CKLF: variants seen among roughly 807,000 people sequenced by gnomAD.
The protein encoded by CKLF is chemokine like factor, also known as chemokine-like factor.
Under a neutral mutation model 12.9 loss-of-function variants are expected in CKLF, and 16 were observed. The ratio of observed to expected loss-of-function variants is 1.24; its 90% confidence interval spans 0.84 to 1.88. CKLF has a LOEUF of 1.88. Ranked by LOEUF, CKLF falls within the 40% of genes most tolerant of loss-of-function variation. CKLF has a pLI of 0.00. For synonymous variants in CKLF, 61 were observed against 69.0 expected (o/e 0.88, Z 0.57); for missense variants, 172 against 188.5 (o/e 0.91, Z 0.51).
At chr16:66,565,773 C>A in intron 3 of CKLF, 113 bp from the exon 4 acceptor site, 1 of 899,990 alleles carries the variant, frequency 1.1e-6, no homozygotes, top group Non-Finnish European at 1.8e-6. Context: ...GCACAGGGAG[C>A]AATCCGAGTA....
chr16:66,566,112 A>AAGAG (rs2012277460), downstream of CKLF: 1 of 1,610,880 alleles, frequency 6.2e-7, no homozygotes, highest in African/African-American at 1.3e-5. This position sits in a 1 kb window ranked among gnomAD's most constrained non-coding sequence, Gnocchi z 4.9. Flanking sequence ...GAGCTAGAGG[A>AAGAG]AGAGATTTCC....
At chr16:66,562,179 G>C (rs1177139244) in intron 2 of CKLF, among the ~76,000 whole-genome samples, 1 of 151,894 alleles carries the variant, frequency 6.6e-6, no homozygotes, top group Non-Finnish European at 1.5e-5. Context: ...CCGTCTCCTG[G>C]CTTCAAGCAA....
intron 1 of CKLF, among the ~76,000 whole-genome samples, chr16:66,555,507 G>A (rs910613780): frequency 1.3e-5 from 2 of 152,192 alleles, no homozygotes; most frequent in African/African-American, 4.8e-5. Context: ...GAAGTTTTTG[G>A]TCTAAGCAAC....
Position 66,566,011 on chromosome 16 carries a change from A to G in CKLF, c.459A>G (p.Ter153=). The change falls in exon 4 of 4, where the codon TAA becomes TAG. Residue 153 remains the stop codon, a stop_retained_variant. Coordinates refer to ENST00000264001, the MANE Select transcript of CKLF (RefSeq NM_016951.4). This position sits in a 1 kb window ranked among gnomAD's most constrained non-coding sequence, Gnocchi z 4.9. The part of the protein sequence containing the change: ...KPVHEKKEVL[*] ...TGCATGAAAAAAAAGAAGTTTTGTA[A>G]TTTTATATTACTTTTTAGTTTGATA... 5 of 1,609,964 alleles carry G rather than the reference A, an allele frequency of 3.1e-6. No homozygotes were observed. Among genetic ancestry groups the G allele is most frequent in the Non-Finnish European group, 4.2e-6 (5 of 1,176,640 alleles).
At chr16:66,564,749 C>T (rs1003517559) in intron 3 of CKLF, among the ~76,000 whole-genome samples, 1 of 152,178 alleles carries the variant, frequency 6.6e-6, no homozygotes, top group Non-Finnish European at 1.5e-5. Flanking sequence ...GGATTACAGG[C>T]GTGAGCCACC....
intron 1 of CKLF, among the ~76,000 whole-genome samples, chr16:66,554,789 GT>G (rs2011354293): frequency 6.6e-6 from 1 of 152,202 alleles, no homozygotes; most frequent in African/African-American, 2.4e-5. Context: ...GAAGAAGAGT[GT>G]TTGAAGCAGA....
At chr16:66,559,533 A>G (rs1447137010) in intron 2 of CKLF, among the ~76,000 whole-genome samples, 3 of 152,240 alleles carry the variant, frequency 2.0e-5, no homozygotes, top group African/African-American at 7.2e-5. Flanking sequence ...TCAAGAGGAT[A>G]ATGAACACTG....
intron 2 of CKLF, among the ~76,000 whole-genome samples, chr16:66,560,164 T>C (rs2144540533): frequency 1.3e-5 from 2 of 152,222 alleles, no homozygotes; most frequent in East Asian, 3.9e-4. Flanking sequence ...AGTGCTTTTC[T>C]GCTAGAAAAG....
intron 2 of CKLF, among the ~76,000 whole-genome samples, chr16:66,560,705 G>T (rs1052330796): frequency 2.0e-5 from 3 of 151,880 alleles, no homozygotes; most frequent in Non-Finnish European, 4.4e-5. Context: ...GCCAGAAAAG[G>T]CAGGAGAGCA....
chr16:66,554,356 T>C (rs754601733), intron 1 of CKLF, among the ~76,000 whole-genome samples: 5 of 152,166 alleles, frequency 3.3e-5, no homozygotes, highest in Non-Finnish European at 7.3e-5. Context: ...CAATCTAGGG[T>C]TGGATCTAAG....
intron 3 of CKLF, among the ~76,000 whole-genome samples, chr16:66,563,465 G>A (rs1195826218): frequency 3.3e-5 from 5 of 152,132 alleles, no homozygotes; most frequent in Admixed American, 6.5e-5. Context: ...TTATAGGTAC[G>A]TAGGGCTAGA....
chr16:66,565,475 AACTTT>A, intron 3 of CKLF: 1 of 177,470 alleles, frequency 5.6e-6, no homozygotes, highest in Non-Finnish European at 1.2e-5. Flanking sequence ...AGCTGGTGTT[AACTTT>A]GACCTTTTCT....
In CKLF at chr16:66,563,193, C is replaced by T. The variant is rs556482103; in HGVS notation, c.309C>T (p.Thr103=). 7.4e-4 allele frequency: 1,194 copies of T among 1,614,036 alleles called. 19 individuals are homozygous for T. The South Asian group carries it at 0.012, about 16-fold the overall frequency. The stretch of plus-strand genomic sequence containing the variant: ...CTGTGTTGGCACTGATACCAGAAAC[C>T]ACAACATTGACAGTTGGTGGAGGGG... ...IVSVLALIPE[T]TTLTVGGGVF... Residue 103 remains threonine, a synonymous_variant, in exon 3 of 4, where the codon ACC becomes ACT. Transcript: ENST00000264001.
At chr16:66,563,307 T>C in intron 3 of CKLF, 90 bp downstream of exon 3, 1 of 1,469,640 alleles carries the variant, frequency 6.8e-7, no homozygotes, top group East Asian at 2.4e-5. Context: ...AAAGCTATAC[T>C]ATATTCATCC....
chr16:66,553,657 A>C (rs1443213894), intron 1 of CKLF, among the ~76,000 whole-genome samples: 1 of 152,264 alleles, frequency 6.6e-6, no homozygotes, highest in Non-Finnish European at 1.5e-5. Flanking sequence ...TGGGAGAGGC[A>C]AAATGGAGAT....
At position 66,552,593 on chromosome 16, in the gene CKLF, G is replaced by A; in HGVS notation, c.-123G>A. ...CGCAAGAGAGCGGGAAGCCGAGCTGGGCGAGAAGTAGGGGAGGGCGGTGCT... is the reference window on the plus strand; with the variant it reads ...CGCAAGAGAGCGGGAAGCCGAGCTGAGCGAGAAGTAGGGGAGGGCGGTGCT... On this transcript the variant is annotated 5_prime_UTR_variant, in exon 1 of 4. Transcript: ENST00000264001. 1 of 1,487,478 alleles carries A rather than the reference G, an allele frequency of 6.7e-7. No homozygotes were observed. Among genetic ancestry groups the A allele is most frequent in the Non-Finnish European group, 9.3e-7 (1 of 1,080,978 alleles). The allele number at this position is 1,487,478 out of a possible 1,614,324, so 92.1% of individuals were successfully genotyped here.
chr16:66,552,809 G>A lies in CKLF; in HGVS notation c.78+16G>A. On this transcript the variant is annotated intron_variant, in intron 1 of 3. Transcript: ENST00000264001. Reference sequence around the variant, plus strand: ...GCTGCGGCTGGTGAGGCCGGGCCGCGGAGGGCGGGAGGCTGATGAAGCTGC... The same window carrying A: ...GCTGCGGCTGGTGAGGCCGGGCCGCAGAGGGCGGGAGGCTGATGAAGCTGC... The A allele has an allele frequency of 1.2e-6, 2 of 1,613,888 alleles. No homozygotes were observed. The highest frequency in any genetic ancestry group is 1.7e-6 in the Non-Finnish European group (2 of 1,179,908).
At chr16:66,552,918 A>G in intron 1 of CKLF, 125 bp downstream of exon 1, 1 of 1,356,770 alleles carries the variant, frequency 7.4e-7, no homozygotes, top group Middle Eastern at 2.2e-4. Flanking sequence ...ATTGAAAGGC[A>G]AGGCATGGCC....
chr16:66,553,356 G>A (rs1316695285), intron 1 of CKLF: 2 of 152,052 alleles, frequency 1.3e-5, no homozygotes, highest in African/African-American at 2.4e-5. Flanking sequence ...GTGGACTTCC[G>A]TGAGACAGAC....
Sources: allele counts gnomAD v4.1 joint callset (sites outside exome capture counted in the v4.1 genomes callset), GRCh38; gene constraint gnomAD v4.1.1; non-coding constraint Gnocchi (gnomAD v3.1); transcripts MANE v1.5; gene names NCBI Gene and HGNC (gene_info 2026-07-23, HGNC 2026-07-21).